PRAMEF11: variants seen among roughly 807,000 people sequenced by gnomAD.
PRAMEF11 encodes PRAME family member 11.
In PRAMEF11, 17 loss-of-function variants were observed where a neutral mutation model predicts 33.6. The ratio of observed to expected loss-of-function variants is 0.51; its 90% confidence interval spans 0.35 to 0.76. The LOEUF (loss-of-function observed/expected upper bound fraction) is 0.76, where lower values mean the gene tolerates loss of function less well. PRAMEF11 is among the 30% of genes least tolerant of loss of function. The probability of loss-of-function intolerance (pLI) is 0.01; values close to 1 mark genes in which losing one functional copy is unlikely to be tolerated. For missense variants in PRAMEF11, 568 were observed against 567.0 expected (o/e 1.00, Z -0.02); for synonymous variants, 205 against 227.3 (o/e 0.90, Z 0.88).
chr1:12,828,761 C>T lies in PRAMEF11; in HGVS notation c.29G>A (p.Arg10Lys). 1.2e-6 allele frequency: 2 copies of T among 1,609,916 alleles called. No homozygotes were observed. Among genetic ancestry groups the T allele is most frequent in the Non-Finnish European group, 8.5e-7 (1 of 1,178,058 alleles). Residue 10 changes from arginine (R) to lysine (K), a missense_variant, in exon 2 of 4, where the codon AGA becomes AAA. Arg to Lys is a conservative substitution (Grantham distance 26). Transcript: ENST00000619922. MKMSIRIPP[R>K]LLELAGRSLL... ...GCTCCGCCCCGCAAGCTCCAGGAGT[C>T]TGGGTGGAATCCGGATGCTCATCTT...
rs777137720 is a variant in PRAMEF11, at chr1:12,827,422, C to A, written c.702G>T (p.Arg234Ser). 88 of 1,607,274 alleles carry A rather than the reference C, an allele frequency of 5.5e-5. 3 individuals are homozygous for A. The highest frequency in any genetic ancestry group is 1.7e-4 in the Middle Eastern group (1 of 5,974). Residue 234 changes from arginine to serine, a missense_variant, in exon 3 of 4, where the codon AGG becomes AGT. Arg to Ser is a moderately radical substitution (Grantham distance 110). This residue lies in a region of PRAMEF11 where 342 missense variants were observed against 312.0 expected (regional missense o/e 1.10). Coordinates refer to ENST00000619922, the MANE Select transcript of PRAMEF11 (RefSeq NM_001146344.3). ...GGGAGAGAACGAGCTTCTGAAGATT[C>A]CTCAAGTGGCCCAGGTATGGGGTAA... ...TQFTPYLGHL[R>S]NLQKLVLSHM...
rs1313017616 is a variant in PRAMEF11, at chr1:12,827,691, C to T, written c.433G>A (p.Gly145Arg). 3 of 1,609,842 alleles carry T rather than the reference C, an allele frequency of 1.9e-6. No individual in the cohort carries two copies. Among genetic ancestry groups the T allele is most frequent in the African/African-American group, 2.7e-5 (2 of 74,630 alleles). Reference protein sequence around the residue: ...KPVQDCPRMRGRQPLTVFVEL... With the variant: ...KPVQDCPRMRRRQPLTVFVEL... Reference sequence around the variant, plus strand: ...ACAAACACAGTCAAGGGCTGCCGTCCTCTCATCCTTGGACAGTCCTGCACT... The same window carrying T: ...ACAAACACAGTCAAGGGCTGCCGTCTTCTCATCCTTGGACAGTCCTGCACT... Residue 145 changes from glycine to arginine, a missense_variant, in exon 3 of 4, where the codon GGA becomes AGA. Transcript: ENST00000619922.
chr1:12,825,025 T>A lies in PRAMEF11; in HGVS notation c.1354A>T (p.Arg452Trp). 6.2e-7 allele frequency: 1 copy of A among 1,609,764 alleles called. No homozygotes were observed. Among genetic ancestry groups the A allele is most frequent in the Non-Finnish European group, 8.5e-7 (1 of 1,177,736 alleles). ...CAGTTGTCAGTACAGAACAAGATCC[T>A]CTTGGGGTGCCTTAAGTGCCTCACT... ...KKVRHLRHPK[R>W]ILFCTDNCPD... Residue 452 changes from arginine to tryptophan, a missense_variant, in exon 4 of 4, where the codon AGG becomes TGG. Physicochemically the swap from Arg to Trp is moderately radical, Grantham distance 101. Coordinates refer to ENST00000619922, the MANE Select transcript of PRAMEF11 (RefSeq NM_001146344.3).
At chr1:12,829,643 C>G (rs1372800825) in intron 1 of PRAMEF11, among the ~76,000 whole-genome samples, 1 of 151,354 alleles carries the variant, frequency 6.6e-6, no homozygotes, top group Non-Finnish European at 1.5e-5. Flanking sequence ...CTCCTAGTCT[C>G]AAGCAATCTA....
chr1:12,829,515 C>T (rs1639961190), intron 1 of PRAMEF11, among the ~76,000 whole-genome samples: 1 of 151,198 alleles, frequency 6.6e-6, no homozygotes, highest in African/African-American at 2.4e-5. Context: ...ATTCTTCCTC[C>T]TCAGCCTCTC....
Position 12,827,798 on chromosome 1 carries a change from T to A in PRAMEF11, c.326A>T (p.Asp109Val), listed in dbSNP as rs753688079. The change falls in exon 3 of 4, where the codon GAT becomes GTT. Residue 109 changes from aspartate (D) to valine (V), a missense_variant. This residue lies in a region of PRAMEF11 where 342 missense variants were observed against 312.0 expected (regional missense o/e 1.10). Coordinates refer to ENST00000619922, the MANE Select transcript of PRAMEF11 (RefSeq NM_001146344.3). ...RWKLQVLDLQ[D>V]VCENFWMVWS... ...AACCATCCAGAAGTTCTCACAGACATCCTGTAAATCCAGCACTTGAAGTTT... is the reference window on the plus strand; with the variant it reads ...AACCATCCAGAAGTTCTCACAGACAACCTGTAAATCCAGCACTTGAAGTTT... The A allele has an allele frequency of 1.2e-6, 2 of 1,607,994 alleles. No individual in the cohort carries two copies. Among genetic ancestry groups the A allele is most frequent in the South Asian group, 2.2e-5 (2 of 90,464 alleles).
Position 12,825,222 on chromosome 1 carries a change from C to T in PRAMEF11, c.1157G>A (p.Ser386Asn), listed in dbSNP as rs749642685. 7 of 1,607,272 alleles carry T rather than the reference C, an allele frequency of 4.4e-6. No individual in the cohort carries two copies. The African/African-American group carries it at 9.4e-5, about 22-fold the overall frequency. ...LSRCFELNTF[S>N]FCGNPICMAT... ...CATGCAGATGGGATTTCCACAGAAG[C>T]TGAAGGTGTTGAGCTCAAAGCAGCG... is the stretch of plus-strand genomic sequence containing the variant. The change falls in exon 4 of 4, where the codon AGC becomes AAC. Residue 386 changes from serine (S) to asparagine (N), a missense_variant. Transcript: ENST00000619922.
At position 12,827,380 on chromosome 1, in the gene PRAMEF11, G is replaced by A. The variant is rs574421187; in HGVS notation, c.744C>T (p.Arg248=). The part of the protein sequence containing the change: ...KLVLSHMDVS[R]YVSPEQKKEI... ...CCTTCTTCTGCTCTGGGGAAACGTAGCGAGAGACATCCATGTGGGAGAGAA... is the reference window on the plus strand; with the variant it reads ...CCTTCTTCTGCTCTGGGGAAACGTAACGAGAGACATCCATGTGGGAGAGAA... The change falls in exon 3 of 4, where the codon CGC becomes CGT. Residue 248 remains arginine (R), a synonymous_variant. Transcript: ENST00000619922. The A allele has an allele frequency of 4.2e-5, 67 of 1,603,066 alleles. 2 individuals carry two copies. The Middle Eastern group carries it at 5.3e-4, about 13-fold the overall frequency.
chr1:12,827,415 G>A lies in PRAMEF11; in HGVS notation c.709C>T (p.Gln237Ter). The A allele has an allele frequency of 6.2e-7, 1 of 1,607,084 alleles. No individual in the cohort carries two copies. Among genetic ancestry groups the A allele is most frequent in the Non-Finnish European group, 8.5e-7 (1 of 1,177,940 alleles). Residue 237 changes from glutamine to a stop codon, truncating the protein, a stop_gained, in exon 3 of 4, where the codon CAG (glutamine) becomes TAG (stop). Coordinates refer to ENST00000619922, the MANE Select transcript of PRAMEF11 (RefSeq NM_001146344.3). LOFTEE classifies it high-confidence loss of function. ...TCCATGTGGGAGAGAACGAGCTTCT[G>A]AAGATTCCTCAAGTGGCCCAGGTAT... ...TPYLGHLRNLQKLVLSHMDVS... is the reference protein window; with the variant it reads ...TPYLGHLRNL
At position 12,827,617 on chromosome 1, in the gene PRAMEF11, G is replaced by T. The variant is rs1639900771; in HGVS notation, c.507C>A (p.Leu169=). The T allele has an allele frequency of 1.9e-6, 3 of 1,609,390 alleles. No homozygotes were observed. Among genetic ancestry groups the T allele is most frequent in the Non-Finnish European group, 2.5e-6 (3 of 1,177,666 alleles). The change falls in exon 3 of 4, where the codon CTC becomes CTA. Residue 169 remains leucine, a synonymous_variant. Transcript: ENST00000619922. ...CTCTCCTCTGCTTGACCCATAGAAG[G>T]AGGCAGGTGAGGTATTCATCCAGAG... ...NRTLDEYLTC[L]LLWVKQRRDL...
Position 12,826,651 on chromosome 1 carries a change from A to T in PRAMEF11, c.875+598T>A, listed in dbSNP as rs563964096. Among the ~76,000 whole-genome samples, 85 of 151,358 alleles carry T rather than the reference A, an allele frequency of 5.6e-4. 7 individuals are homozygous for T. In the South Asian group the frequency reaches 0.017, roughly 30 times the overall value. On this transcript the variant is annotated intron_variant, in intron 3 of 3. Coordinates refer to ENST00000619922, the MANE Select transcript of PRAMEF11 (RefSeq NM_001146344.3). Reference sequence around the variant, plus strand: ...GTGGCCCACGCCTGTAATCCCAGGTACTCAGGAGGCTGAGGCAGGAGAATC... The same window carrying T: ...GTGGCCCACGCCTGTAATCCCAGGTTCTCAGGAGGCTGAGGCAGGAGAATC...
chr1:12,827,771 C>T lies in PRAMEF11; in HGVS notation c.353G>A (p.Trp118Ter). Residue 118 changes from tryptophan (W) to a stop codon, truncating the protein, a stop_gained, in exon 3 of 4, where the codon TGG (tryptophan) becomes TAG (stop). Transcript: ENST00000619922. LOFTEE classifies it high-confidence loss of function. ...GCACCCATGGGCCATAGCTTCAGACCAAACCATCCAGAAGTTCTCACAGAC... is the reference window on the plus strand; with the variant it reads ...GCACCCATGGGCCATAGCTTCAGACTAAACCATCCAGAAGTTCTCACAGAC... ...QDVCENFWMV[W>*]SEAMAHGCFL... 1 of 1,609,100 alleles carries T rather than the reference C, an allele frequency of 6.2e-7. No individual in the cohort carries two copies. Among genetic ancestry groups the T allele is most frequent in the South Asian group, 1.1e-5 (1 of 90,528 alleles).
rs574166200 is a variant in PRAMEF11 at position 12,830,438 on chromosome 1, C to A, written c.-17+918G>T. Among the ~76,000 whole-genome samples, 3 of 151,314 alleles carry A rather than the reference C, an allele frequency of 2.0e-5. No individual in the cohort carries two copies. In the East Asian group the frequency reaches 5.9e-4, roughly 30 times the overall value. On this transcript the variant is annotated intron_variant, in intron 1 of 3. Coordinates refer to ENST00000619922, the MANE Select transcript of PRAMEF11 (RefSeq NM_001146344.3). ...ACGTAGCTGGGACTACAGGCATGCA[C>A]CCCCCACAGCCATGTCTCCATTTGG...
At chr1:12,826,541 C>T (rs985434689) in intron 3 of PRAMEF11, among the ~76,000 whole-genome samples, 2 of 150,970 alleles carry the variant, frequency 1.3e-5, no homozygotes, top group Non-Finnish European at 3.0e-5. Flanking sequence ...GTGGGTGGAT[C>T]ACCTGAAATC....
chr1:12,830,326 C>T lies in PRAMEF11; in HGVS notation c.-17+1030G>A, dbSNP rs747995566. ...TTGAGGGAGCTGAATCTCACTTCATCGGCCAGGCTAGAGTGCAGTGGTGTC... is the reference window on the plus strand; with the variant it reads ...TTGAGGGAGCTGAATCTCACTTCATTGGCCAGGCTAGAGTGCAGTGGTGTC... On this transcript the variant is annotated intron_variant, in intron 1 of 3. Transcript: ENST00000619922. Among the ~76,000 whole-genome samples the T allele has an allele frequency of 4.4e-4, 67 of 151,134 alleles. 5 individuals carry two copies. Among genetic ancestry groups the T allele is most frequent in the Non-Finnish European group, 6.1e-4 (41 of 67,756 alleles).
At chr1:12,826,321 A>T (rs575817451) in intron 3 of PRAMEF11, among the ~76,000 whole-genome samples, 25 of 126,886 alleles carry the variant, frequency 2.0e-4, no homozygotes, top group Admixed American at 1.6e-3. Flanking sequence ...GCTCAAAAGA[A>T]ACTTTTACAA....
Position 12,830,789 on chromosome 1 carries a change from C to T in PRAMEF11, c.-17+567G>A, listed in dbSNP as rs2790846. Among the ~76,000 whole-genome samples the T allele has an allele frequency of 1.4e-5, 2 of 146,744 alleles. 1 individual carries two copies. The highest frequency in any genetic ancestry group is 4.5e-4 in the South Asian group (2 of 4,442). Reference sequence around the variant, plus strand: ...GGATCACTTGAGGTCAGGTGTTCGACACCAACCTGGCCAGCATGGTGAAAC... The same window carrying T: ...GGATCACTTGAGGTCAGGTGTTCGATACCAACCTGGCCAGCATGGTGAAAC... On this transcript the variant is annotated intron_variant, in intron 1 of 3. Coordinates refer to ENST00000619922, the MANE Select transcript of PRAMEF11 (RefSeq NM_001146344.3).
At chr1:12,828,360 G>A (rs1445169808) in intron 2 of PRAMEF11, 137 bp downstream of exon 2, 3 of 1,414,204 alleles carry the variant, frequency 2.1e-6, no homozygotes, top group Non-Finnish European at 2.9e-6. Context: ...CTTTCCCTGA[G>A]GAGCTGGTGA....
chr1:12,829,869 A>T (rs181113906), intron 1 of PRAMEF11, among the ~76,000 whole-genome samples: 12 of 151,146 alleles, frequency 7.9e-5, no homozygotes, highest in African/African-American at 2.9e-4. Flanking sequence ...TAGATTGAAC[A>T]GAGAGACAGA....
Sources: gnomAD v4.1 joint callset for allele counts (sites outside exome capture counted in the v4.1 genomes callset) on GRCh38, gnomAD v4.1.1 for gene constraint, gnomAD v4.1.1 regional missense constraint, MANE v1.5 for transcripts, NCBI Gene and HGNC (gene_info 2026-07-23, HGNC 2026-07-21) for gene names.